Variants in GCAT observed in about 807,000 individuals in gnomAD.
GCAT encodes glycine C-acetyltransferase.
GCAT carries 26 observed loss-of-function variants against 39.7 expected under a neutral mutation model. That is an observed-to-expected ratio of 0.65 (90% CI 0.48 to 0.91). The LOEUF is 0.91. Among genes scored for constraint, GCAT ranks in the 40% least tolerant of loss-of-function variants. The pLI, the probability that GCAT is intolerant of heterozygous loss-of-function variation, is 0.00. For missense variants in GCAT, 550 were observed against 576.2 expected, an observed-to-expected ratio of 0.95 and a Z score of 0.47; for synonymous variants, 218 against 237.2, an observed-to-expected ratio of 0.92 and a Z score of 0.74.
rs199905705 is a variant in GCAT at position 37,812,996 on chromosome 22, G to A, written c.429+8G>A. ...AACGCCGGCCTCTTTGAGGTGTGTG[G>A]AAGCTGTCCTGCGGGTGAGGGTTGG... On this transcript the variant is annotated splice_region_variant and intron_variant, in intron 3 of 8. Transcript: ENST00000248924. The A allele has an allele frequency of 6.3e-7, 1 of 1,598,346 alleles. No homozygotes were observed. The highest frequency in any genetic ancestry group is 8.6e-7 in the Non-Finnish European group (1 of 1,165,678).
Position 37,807,963 on chromosome 22 carries a change from G to T in GCAT, c.-5G>T. The T allele has an allele frequency of 6.6e-7, 1 of 1,521,788 alleles. No homozygotes were observed. Among genetic ancestry groups the T allele is most frequent in the Non-Finnish European group, 8.8e-7 (1 of 1,139,180 alleles). 94.3% of individuals were successfully genotyped at this position (1,521,788 alleles called of 1,614,324 possible). Reference sequence around the variant, plus strand: ...AGGCAGGCGCGCTCGGGCGAGGTAGGAGCGATGTGGCCTGGGAACGCCTGG... The same window carrying T: ...AGGCAGGCGCGCTCGGGCGAGGTAGTAGCGATGTGGCCTGGGAACGCCTGG... On this transcript the variant is annotated 5_prime_UTR_variant, in exon 1 of 9. Transcript: ENST00000248924.
chr22:37,815,527 TC>T (rs1208745892), intron 6 of GCAT, 27 bp downstream of exon 6: 4 of 1,579,282 alleles, frequency 2.5e-6, no homozygotes, highest in Non-Finnish European at 2.6e-6. Flanking sequence ...GTCCCTGGGG[TC>T]CCCTTGTCCT....
chr22:37,810,146 T>C lies in GCAT; in HGVS notation c.316T>C (p.Cys106Arg). The change falls in exon 2 of 9, where the codon TGT becomes CGT. Residue 106 changes from cysteine (C) to arginine (R), a missense_variant. Physicochemically the swap from Cys to Arg is radical, Grantham distance 180. Coordinates refer to ENST00000248924, the MANE Select transcript of GCAT (RefSeq NM_014291.4). Reference protein sequence around the residue: ...GAGLSSVRFICGTQSIHKNLE... With the variant: ...GAGLSSVRFIRGTQSIHKNLE... ...TGGCCTCAGCTCTGTCCGCTTTATC[T>C]GTGGAACCCAGGTACACAGTGAGTG... The C allele has an allele frequency of 6.2e-7, 1 of 1,612,256 alleles. No homozygotes were observed. Among genetic ancestry groups the C allele is most frequent in the Non-Finnish European group, 8.5e-7 (1 of 1,178,222 alleles).
At chr22:37,808,857 T>G (rs1182078517) in intron 1 of GCAT, among the ~76,000 whole-genome samples, 1 of 152,198 alleles carries the variant, frequency 6.6e-6, no homozygotes, top group African/African-American at 2.4e-5. Context: ...CGGCTAATTT[T>G]TGTATTTTTA....
Position 37,813,514 on chromosome 22 carries a change from T to A in GCAT, c.481T>A (p.Ser161Thr). The A allele has an allele frequency of 6.2e-7, 1 of 1,612,380 alleles. No individual in the cohort carries two copies. Among genetic ancestry groups the A allele is most frequent in the Non-Finnish European group, 8.5e-7 (1 of 1,179,450 alleles). ...AVLSDELNHA[S>T]IIDGIRLCKA... ...CCTGTCGGACGAGCTGAACCATGCC[T>A]CCATCATCGACGGCATCCGGCTGTG... Residue 161 changes from serine (S) to threonine (T), a missense_variant, in exon 4 of 9, where the codon TCC (serine) becomes ACC (threonine). Ser to Thr is a moderately conservative substitution (Grantham distance 58, BLOSUM62 1). This residue lies in a region of GCAT where 378 missense variants were observed against 390.4 expected (regional missense o/e 0.97). Coordinates refer to ENST00000248924, the MANE Select transcript of GCAT (RefSeq NM_014291.4).
At position 37,815,232 on chromosome 22, in the gene GCAT, T is replaced by C. The variant is rs759234595; in HGVS notation, c.683T>C (p.Val228Ala). Residue 228 changes from valine to alanine, a missense_variant, in exon 5 of 9, where the codon GTC (valine) becomes GCC (alanine). This residue lies in a region of GCAT where 378 missense variants were observed against 390.4 expected (regional missense o/e 0.97). Coordinates refer to ENST00000248924, the MANE Select transcript of GCAT (RefSeq NM_014291.4). ...CTCGCCTCTAGATATGGTGCCCTGG[T>C]CTTCATGGATGAATGCCATGCCACT... ...CCLASRYGAL[V>A]FMDECHATGF... 6.2e-7 allele frequency: 1 copy of C among 1,614,040 alleles called. No individual in the cohort carries two copies. Among genetic ancestry groups the C allele is most frequent in the Non-Finnish European group, 8.5e-7 (1 of 1,179,976 alleles).
Position 37,815,445 on chromosome 22 carries a change from G to A in GCAT, c.759G>A (p.Met253Ile). The A allele has an allele frequency of 6.2e-7, 1 of 1,610,598 alleles. No individual in the cohort carries two copies. Among genetic ancestry groups the A allele is most frequent in the Non-Finnish European group, 8.5e-7 (1 of 1,178,968 alleles). Residue 253 changes from methionine (M) to isoleucine (I), a missense_variant, in exon 6 of 9, where the codon ATG (methionine) becomes ATA (isoleucine). Transcript: ENST00000248924. Reference protein sequence around the residue: ...GRGTDELLGVMDQVTIINSTL... With the variant: ...GRGTDELLGVIDQVTIINSTL... ...GCACAGATGAGCTGCTGGGTGTGAT[G>A]GACCAGGTCACCATCATCAACTCCA...
downstream of GCAT, chr22:37,816,924 G>T: frequency 1.7e-6 from 1 of 574,140 alleles, no homozygotes; most frequent in Non-Finnish European, 3.1e-6. Flanking sequence ...ATTGTCTCTG[G>T]GCAGGCCCAG....
rs1349085476 is a variant in GCAT, at chr22:37,812,905, G to C, written c.346G>C (p.Glu116Gln). 6.2e-7 allele frequency: 1 copy of C among 1,612,808 alleles called. No homozygotes were observed. The highest frequency in any genetic ancestry group is 8.5e-7 in the Non-Finnish European group (1 of 1,179,052). Reference protein sequence around the residue: ...CGTQSIHKNLEAKIARFHQRE... With the variant: ...CGTQSIHKNLQAKIARFHQRE... ...TCTTCAGAGCATCCACAAGAATCTAGAAGCAAAAATAGCCCGCTTCCACCA... is the reference window on the plus strand; with the variant it reads ...TCTTCAGAGCATCCACAAGAATCTACAAGCAAAAATAGCCCGCTTCCACCA... The change falls in exon 3 of 9, where the codon GAA becomes CAA. Residue 116 changes from glutamate (E) to glutamine (Q), a missense_variant. Glu to Gln is a conservative substitution (Grantham distance 29). Transcript: ENST00000248924.
Position 37,815,716 on chromosome 22 carries a change from C to T in GCAT, c.868C>T (p.Arg290Trp), listed in dbSNP as rs764521236. Residue 290 changes from arginine to tryptophan, a missense_variant, in exon 7 of 9, where the codon CGG (arginine) becomes TGG (tryptophan). Arg to Trp is a moderately radical substitution (Grantham distance 101). This residue lies in a region of GCAT where 378 missense variants were observed against 390.4 expected (regional missense o/e 0.97). Coordinates refer to ENST00000248924, the MANE Select transcript of GCAT (RefSeq NM_014291.4). The stretch of plus-strand genomic sequence containing the variant: ...GGTGTCCCTGCTGCGGCAGCGCGCC[C>T]GGCCATACCTCTTCTCCAACAGTCT... The part of the protein sequence containing the change: ...PLVSLLRQRA[R>W]PYLFSNSLPP... The T allele has an allele frequency of 1.9e-5, 31 of 1,613,530 alleles. No individual in the cohort carries two copies. Among genetic ancestry groups the T allele is most frequent in the Admixed American group, 5.0e-5 (3 of 60,004 alleles).
chr22:37,812,081 A>C (rs1018630583), intron 2 of GCAT, among the ~76,000 whole-genome samples: 3 of 151,756 alleles, frequency 2.0e-5, no homozygotes, highest in Admixed American at 6.6e-5. Flanking sequence ...CTGTAATCCC[A>C]ATACTTTTGG....
intron 2 of GCAT, among the ~76,000 whole-genome samples, chr22:37,810,812 G>A (rs1306202502): frequency 1.3e-5 from 2 of 152,016 alleles, no homozygotes; most frequent in Non-Finnish European, 2.9e-5. Flanking sequence ...ACCGCACTCG[G>A]CCTAATTTTT....
chr22:37,816,960 C>T (rs968080782), downstream of GCAT: 4 of 491,460 alleles, frequency 8.1e-6, no homozygotes, highest in Non-Finnish European at 1.5e-5. Context: ...AAGAATCAGG[C>T]AGGAGCCAGG....
At chr22:37,811,819 T>C (rs529611779) in intron 2 of GCAT, among the ~76,000 whole-genome samples, 1,939 of 141,560 alleles carry the variant, frequency 0.014, 24 homozygotes, top group Non-Finnish European at 0.022. Context: ...GGGGTTGCAG[T>C]GAGCCACGAC....
Position 37,815,746 on chromosome 22 carries a change from C to G in GCAT, c.898C>G (p.Pro300Ala). 6.2e-7 allele frequency: 1 copy of G among 1,613,770 alleles called. No individual in the cohort carries two copies. Among genetic ancestry groups the G allele is most frequent in the Non-Finnish European group, 8.5e-7 (1 of 1,179,822 alleles). ...ATACCTCTTCTCCAACAGTCTGCCA[C>G]CTGCTGTCGTTGGCTGCGCCTCCAA... is the stretch of plus-strand genomic sequence containing the variant. ...RPYLFSNSLPPAVVGCASKAL... is the reference protein window; with the variant it reads ...RPYLFSNSLPAAVVGCASKAL... The change falls in exon 7 of 9, where the codon CCT becomes GCT. Residue 300 changes from proline (P) to alanine (A), a missense_variant. Around this residue, in one of 3 missense-constraint regions of GCAT, gnomAD observed 378 missense variants for 390.4 expected, o/e 0.97. Transcript: ENST00000248924.
At chr22:37,811,480 CAAAAAAAAAAAA>C (rs59876225) in intron 2 of GCAT, among the ~76,000 whole-genome samples, 1 of 46,868 alleles carries the variant, frequency 2.1e-5, no homozygotes, top group Non-Finnish European at 3.8e-5. Flanking sequence ...GACTCTGTCT[CAAAAAAAAAAAA>C]AAAAAAAAAA....
chr22:37,808,718 G>C (rs939527707), intron 1 of GCAT, among the ~76,000 whole-genome samples: 2 of 151,622 alleles, frequency 1.3e-5, no homozygotes, highest in African/African-American at 4.9e-5. Context: ...GTCTCGTCTT[G>C]CTCTGTCGCC....
chr22:37,810,512 AT>A (rs36110853), intron 2 of GCAT, among the ~76,000 whole-genome samples: 13,088 of 102,760 alleles, frequency 0.13, 456 homozygotes, highest in Middle Eastern at 0.18. Flanking sequence ...CACCCAGCTA[AT>A]TTTTTTTTTT....
rs949081920 is a variant in GCAT at position 37,813,554 on chromosome 22, A to T, written c.521A>T (p.Tyr174Phe). Residue 174 changes from tyrosine (Y) to phenylalanine (F), a missense_variant, in exon 4 of 9, where the codon TAC becomes TTC. By Grantham distance (22) the Tyr-to-Phe change is conservative. This residue lies in a region of GCAT where 378 missense variants were observed against 390.4 expected (regional missense o/e 0.97). Transcript: ENST00000248924. Reference protein sequence around the residue: ...DGIRLCKAHKYRYRHLDMADL... With the variant: ...DGIRLCKAHKFRYRHLDMADL... ...ATCCGGCTGTGCAAGGCCCACAAGT[A>T]CCGCTATCGCCACCTGGACATGGCC... The T allele has an allele frequency of 6.2e-7, 1 of 1,613,540 alleles. No homozygotes were observed. The highest frequency in any genetic ancestry group is 1.7e-5 in the Admixed American group (1 of 60,008).
Sources: allele counts gnomAD v4.1 joint callset (sites outside exome capture counted in the v4.1 genomes callset), GRCh38; gene constraint gnomAD v4.1.1; regional missense constraint gnomAD v4.1.1; transcripts MANE v1.5; gene names NCBI Gene and HGNC (gene_info 2026-07-23, HGNC 2026-07-21).